The following DEPTOR variants were observed in gnomAD, a reference collection of about 807,000 sequenced individuals.
The protein encoded by DEPTOR is DEP domain containing MTOR interacting protein.
DEPTOR carries 41 observed loss-of-function variants against 41.6 expected under a neutral mutation model. The ratio of observed to expected loss-of-function variants is 0.98; its 90% confidence interval spans 0.77 to 1.28. DEPTOR has a LOEUF of 1.28. Ranked by LOEUF, DEPTOR falls within the 50% of genes most tolerant of loss-of-function variation. DEPTOR has a pLI of 0.00. For synonymous variants in DEPTOR, 195 were observed against 192.3 expected (o/e 1.01, Z -0.12); for missense variants, 514 against 527.9 (o/e 0.97, Z 0.26).
chr8:120,017,664 T>C (rs1812634715), intron 8 of DEPTOR, among the ~76,000 whole-genome samples: 1 of 152,218 alleles, frequency 6.6e-6, no homozygotes. Flanking sequence ...CTTTTGGTAG[T>C]TTAATCAAAC....
intron 8 of DEPTOR, among the ~76,000 whole-genome samples, chr8:120,022,221 A>C (rs1812730566): frequency 1.3e-5 from 2 of 148,754 alleles, no homozygotes; most frequent in Admixed American, 1.3e-4. Context: ...AGAGTTGCTA[A>C]AATGTGCATC....
At chr8:119,884,769 G>A (rs544392437) in intron 1 of DEPTOR, among the ~76,000 whole-genome samples, 1 of 151,622 alleles carries the variant, frequency 6.6e-6, no homozygotes, top group South Asian at 2.1e-4. Flanking sequence ...TGTTGCTCAG[G>A]CTGGAGTGTG....
intron 4 of DEPTOR, among the ~76,000 whole-genome samples, chr8:119,999,318 C>T (rs189076830): frequency 2.6e-4 from 39 of 151,650 alleles, no homozygotes; most frequent in Admixed American, 3.9e-4. Flanking sequence ...GTACCTATAT[C>T]CCAAGCTGTT....
intron 1 of DEPTOR, among the ~76,000 whole-genome samples, chr8:119,881,517 CTG>C (rs1827296095): frequency 6.6e-6 from 1 of 150,562 alleles, no homozygotes; most frequent in Non-Finnish European, 1.5e-5. Flanking sequence ...CAGTGAGACT[CTG>C]TCTCAAAAAA....
intron 8 of DEPTOR, among the ~76,000 whole-genome samples, chr8:120,026,653 A>T (rs1812801616): frequency 6.6e-6 from 1 of 151,978 alleles, no homozygotes; most frequent in African/African-American, 2.4e-5. Context: ...AAGCATCCTA[A>T]TTTTATAGGT....
chr8:119,917,592 A>T (rs997640127), intron 1 of DEPTOR, among the ~76,000 whole-genome samples: 4 of 152,222 alleles, frequency 2.6e-5, no homozygotes, highest in Admixed American at 2.6e-4. Context: ...GCACTGCAGA[A>T]GGCTGCAGGG....
chr8:119,967,398 A>T (rs899730058), intron 4 of DEPTOR, among the ~76,000 whole-genome samples: 7 of 151,808 alleles, frequency 4.6e-5, no homozygotes, highest in Non-Finnish European at 8.8e-5. Flanking sequence ...GAGTCTTATG[A>T]CCTACAGTTA....
At chr8:119,900,493 C>G (rs1175084648) in intron 1 of DEPTOR, among the ~76,000 whole-genome samples, 2 of 140,662 alleles carry the variant, frequency 1.4e-5, no homozygotes, top group African/African-American at 2.6e-5. Context: ...CTCAAGTGAT[C>G]CTACCATCTA....
At chr8:120,034,593 G>A (rs368322989) in intron 8 of DEPTOR, among the ~76,000 whole-genome samples, 2 of 151,346 alleles carry the variant, frequency 1.3e-5, no homozygotes, top group East Asian at 3.9e-4. Flanking sequence ...GATTACAGGC[G>A]CCAGCCACCA....
chr8:119,926,391 A>G lies in DEPTOR; in HGVS notation c.123-2009A>G, dbSNP rs553056163. 1.6e-4 allele frequency among the ~76,000 whole-genome samples: 25 copies of G among 152,336 alleles called. No homozygotes were observed. The South Asian group carries it at 5.2e-3, about 32-fold the overall frequency. Reference sequence around the variant, plus strand: ...TGTAGTTTCCTTTCTTTTTTAGCATAAAACATTAATCCTAATGTACTAACC... The same window carrying G: ...TGTAGTTTCCTTTCTTTTTTAGCATGAAACATTAATCCTAATGTACTAACC... On this transcript the variant is annotated intron_variant, in intron 1 of 8. Coordinates refer to ENST00000286234, the MANE Select transcript of DEPTOR (RefSeq NM_022783.4).
intron 1 of DEPTOR, among the ~76,000 whole-genome samples, chr8:119,917,905 A>G (rs1827835413): frequency 6.6e-6 from 1 of 152,238 alleles, no homozygotes; most frequent in Non-Finnish European, 1.5e-5. Context: ...GCGGGCAGCA[A>G]TACTGCTCTT....
intron 3 of DEPTOR, among the ~76,000 whole-genome samples, chr8:119,956,069 G>C (rs1828413421): frequency 6.6e-6 from 1 of 152,106 alleles, no homozygotes; most frequent in African/African-American, 2.4e-5. Flanking sequence ...TCCCAAGCTA[G>C]AGTCATAGAG....
At chr8:119,963,859 T>C (rs1030652207) in intron 3 of DEPTOR, among the ~76,000 whole-genome samples, 6 of 152,238 alleles carry the variant, frequency 3.9e-5, no homozygotes, top group Non-Finnish European at 5.9e-5. Context: ...AAGAGTCACC[T>C]ATGTAGTCGT....
rs148329680 is a variant in DEPTOR, at chr8:119,978,979, C to T, written c.604+13569C>T. Among the ~76,000 whole-genome samples, 70 of 152,068 alleles carry T rather than the reference C, an allele frequency of 4.6e-4. 1 individual carries two copies. The highest frequency in any genetic ancestry group is 1.4e-3 in the African/African-American group (59 of 41,484). ...CCCTGCTCCCTGCTCCCTGCTCACC[C>T]CCACTCCAGCCAGGAATGGATAAAC... On this transcript the variant is annotated intron_variant, in intron 4 of 8. Coordinates refer to ENST00000286234, the MANE Select transcript of DEPTOR (RefSeq NM_022783.4).
chr8:119,921,418 C>G (rs183238857), intron 1 of DEPTOR, among the ~76,000 whole-genome samples: 1 of 152,270 alleles, frequency 6.6e-6, no homozygotes, highest in Admixed American at 6.5e-5. Context: ...CTGGAATATA[C>G]AATTTTCAAA....
At chr8:119,989,836 T>C (rs1042784663) in intron 4 of DEPTOR, among the ~76,000 whole-genome samples, 8 of 152,264 alleles carry the variant, frequency 5.3e-5, no homozygotes, top group African/African-American at 1.7e-4. Context: ...CAGTATCTTA[T>C]ACATACTCTC....
intron 8 of DEPTOR, among the ~76,000 whole-genome samples, chr8:120,018,982 C>G (rs1463120509): frequency 1.3e-5 from 2 of 152,150 alleles, no homozygotes; most frequent in African/African-American, 4.8e-5. Flanking sequence ...GGGTTTATAG[C>G]CTAGAGAGGA....
intron 4 of DEPTOR, among the ~76,000 whole-genome samples, chr8:119,993,365 C>T (rs1053832165): frequency 2.0e-5 from 3 of 152,170 alleles, no homozygotes; most frequent in Non-Finnish European, 2.9e-5. Flanking sequence ...TGCTTTTCTT[C>T]CTAGTTTAAA....
At chr8:119,953,727 T>A (rs1406597449) in intron 3 of DEPTOR, among the ~76,000 whole-genome samples, 1 of 152,050 alleles carries the variant, frequency 6.6e-6, no homozygotes, top group Non-Finnish European at 1.5e-5. Flanking sequence ...GCATTCCTTC[T>A]GAGTGTGGGG....
Sources: allele counts gnomAD v4.1 joint callset (sites outside exome capture counted in the v4.1 genomes callset), GRCh38; gene constraint gnomAD v4.1.1; transcripts MANE v1.5; gene names NCBI Gene and HGNC (gene_info 2026-07-23, HGNC 2026-07-21).